FHL5: variants seen among roughly 807,000 people sequenced by gnomAD.
FHL5 encodes four and a half LIM domains 5.
In FHL5, 33 loss-of-function variants were observed where a neutral mutation model predicts 32.0. The ratio of observed to expected loss-of-function variants is 1.03; its 90% CI spans 0.78 to 1.38. The LOEUF is 1.38. Among genes scored for constraint, FHL5 ranks in the 40% most tolerant of loss-of-function variants. The probability of loss-of-function intolerance (pLI) is 0.00; values close to 1 mark genes in which losing one functional copy is unlikely to be tolerated. For synonymous variants in FHL5, 114 were observed against 113.6 expected, an observed-to-expected ratio of 1.00 and a Z score of -0.02; for missense variants, 336 against 343.9, an observed-to-expected ratio of 0.98 and a Z score of 0.18.
chr6:96,600,925 T>C (rs1376940197), intron 1 of FHL5, among the ~76,000 whole-genome samples: 1 of 152,238 alleles, frequency 6.6e-6, no homozygotes, highest in East Asian at 1.9e-4. Context: ...CCTCCCACTG[T>C]ATAGTCCTAC....
At chr6:96,596,094 T>C (rs1224787988) in intron 1 of FHL5, among the ~76,000 whole-genome samples, 2 of 152,064 alleles carry the variant, frequency 1.3e-5, no homozygotes, top group Non-Finnish European at 2.9e-5. Flanking sequence ...ACTAAGCCTT[T>C]TAAACTAAAA....
At chr6:96,611,715 T>C (rs1241192106) in intron 5 of FHL5, among the ~76,000 whole-genome samples, 2 of 152,064 alleles carry the variant, frequency 1.3e-5, no homozygotes, top group African/African-American at 4.8e-5. Context: ...AAAAGTTGAG[T>C]CTTCATGCAC....
intron 1 of FHL5, among the ~76,000 whole-genome samples, chr6:96,565,747 C>T (rs1770342322): frequency 6.6e-6 from 1 of 152,034 alleles, no homozygotes; most frequent in South Asian, 2.1e-4. Context: ...TGGGCTTGTT[C>T]TCCAGCTTGA....
chr6:96,612,747 T>G (rs1181829688), intron 5 of FHL5, among the ~76,000 whole-genome samples: 1 of 152,192 alleles, frequency 6.6e-6, no homozygotes, highest in Admixed American at 6.5e-5. Flanking sequence ...TCTTAATCTT[T>G]TTTTTAACTT....
chr6:96,592,978 T>G (rs1181793568), intron 1 of FHL5, among the ~76,000 whole-genome samples: 4 of 152,122 alleles, frequency 2.6e-5, no homozygotes, highest in Non-Finnish European at 4.4e-5. Context: ...AAATACAACT[T>G]GTATATTTTT....
At chr6:96,597,183 CTCTT>C (rs1771052810) in intron 1 of FHL5, among the ~76,000 whole-genome samples, 1 of 151,728 alleles carries the variant, frequency 6.6e-6, no homozygotes, top group Non-Finnish European at 1.5e-5. Context: ...CTGCAACTCT[CTCTT>C]TATATATATA....
Position 96,608,313 on chromosome 6 carries a change from T to G in FHL5, c.504+2242T>G, listed in dbSNP as rs893620372. Among the ~76,000 whole-genome samples, 11 of 152,172 alleles carry G rather than the reference T, an allele frequency of 7.2e-5. No homozygotes were observed. In the South Asian group the frequency reaches 1.7e-3, roughly 23 times the overall value. The stretch of plus-strand genomic sequence containing the variant: ...ACTATATTTAGGATATGATTTGAAG[T>G]CATCAAAAATTTACAAAATATTTAT... On this transcript the variant is annotated intron_variant, in intron 4 of 5. Transcript: ENST00000450218.
chr6:96,598,249 T>C lies in FHL5; in HGVS notation c.-12-5353T>C, dbSNP rs182092748. Among the ~76,000 whole-genome samples the C allele has an allele frequency of 7.2e-5, 11 of 152,226 alleles. No individual in the cohort carries two copies. The East Asian group carries it at 2.1e-3, about 29-fold the overall frequency. The stretch of plus-strand genomic sequence containing the variant: ...TCTGAATGGATAGAAACCACTCACA[T>C]CTCAGCCAGCCAATCTGCCACCATC... On this transcript the variant is annotated intron_variant, in intron 1 of 5. Transcript: ENST00000450218.
intron 1 of FHL5, among the ~76,000 whole-genome samples, chr6:96,564,232 A>G (rs547517536): frequency 6.6e-6 from 1 of 152,298 alleles, no homozygotes; most frequent in South Asian, 2.1e-4. Flanking sequence ...TATATCCACA[A>G]TACCATCATG....
chr6:96,603,758 G>A lies in FHL5; in HGVS notation c.145G>A (p.Glu49Lys), dbSNP rs1771208494. 6.2e-7 allele frequency: 1 copy of A among 1,608,988 alleles called. No individual in the cohort carries two copies. The change falls in exon 2 of 6, where the codon GAA becomes AAA. Residue 49 changes from glutamate (E) to lysine (K), a missense_variant. Coordinates refer to ENST00000450218, the MANE Select transcript of FHL5 (RefSeq NM_001322466.2). ...NYCEECKKPI[E>K]SDSKDLCYKD... ...TTGCGAGGAATGCAAAAAACCAATT[G>A]AATCTGATTCTAAGGTAAGTCTCAC...
At chr6:96,566,828 T>G (rs1044962614) in intron 1 of FHL5, among the ~76,000 whole-genome samples, 1 of 151,818 alleles carries the variant, frequency 6.6e-6, no homozygotes. Flanking sequence ...AGCTTATTTG[T>G]CTGCTTTCTA....
At chr6:96,578,834 C>T (rs1377344103) in intron 1 of FHL5, among the ~76,000 whole-genome samples, 2 of 151,490 alleles carry the variant, frequency 1.3e-5, no homozygotes, top group Non-Finnish European at 2.9e-5. Context: ...AGAGTGAGAC[C>T]CTGTCTCAAA....
chr6:96,574,615 T>C (rs1770548142), intron 1 of FHL5, among the ~76,000 whole-genome samples: 1 of 152,170 alleles, frequency 6.6e-6, no homozygotes, highest in Non-Finnish European at 1.5e-5. Context: ...ATCTCTACTG[T>C]AGAGCCTGAT....
chr6:96,567,803 A>G (rs1308311700), intron 1 of FHL5, among the ~76,000 whole-genome samples: 3 of 149,248 alleles, frequency 2.0e-5, no homozygotes, highest in African/African-American at 7.4e-5. Context: ...TGGTGTATAG[A>G]AAAGCTACTG....
At chr6:96,583,149 T>C (rs553044600) in intron 1 of FHL5, among the ~76,000 whole-genome samples, 3 of 152,176 alleles carry the variant, frequency 2.0e-5, no homozygotes, top group Non-Finnish European at 2.9e-5. Flanking sequence ...TTTATGTCTT[T>C]GGTTTCAAGC....
chr6:96,579,718 T>C (rs924889092), intron 1 of FHL5, among the ~76,000 whole-genome samples: 4 of 152,206 alleles, frequency 2.6e-5, no homozygotes, highest in African/African-American at 4.8e-5. Context: ...AACTGGTAGT[T>C]AAGAATTGGG....
chr6:96,567,121 G>T (rs750524992), intron 1 of FHL5, among the ~76,000 whole-genome samples: 1 of 151,834 alleles, frequency 6.6e-6, no homozygotes, highest in Non-Finnish European at 1.5e-5. Flanking sequence ...ATAGATTCAG[G>T]TCTTATATTT....
intron 1 of FHL5, among the ~76,000 whole-genome samples, chr6:96,594,787 G>A (rs1208348593): frequency 1.3e-5 from 2 of 151,680 alleles, no homozygotes; most frequent in African/African-American, 2.4e-5. Flanking sequence ...CTATTTCTAT[G>A]TTTAGAGTTT....
intron 1 of FHL5, among the ~76,000 whole-genome samples, chr6:96,599,934 G>T (rs1771115394): frequency 6.6e-6 from 1 of 152,122 alleles, no homozygotes; most frequent in Admixed American, 6.5e-5. Flanking sequence ...TAGCCCTCAG[G>T]TGCGGATTCC....
Sources: allele counts gnomAD v4.1 joint callset (sites outside exome capture counted in the v4.1 genomes callset), GRCh38; gene constraint gnomAD v4.1.1; transcripts MANE v1.5; gene names NCBI Gene and HGNC (gene_info 2026-07-23, HGNC 2026-07-21).